APC: variants seen among roughly 807,000 people sequenced by gnomAD.
The protein encoded by APC is adenomatous polyposis coli protein.
APC carries 72 observed loss-of-function variants against 247.0 expected under a neutral mutation model. That is an observed-to-expected ratio of 0.29 (90% confidence interval 0.24 to 0.35). APC has a LOEUF of 0.35. Among genes scored for constraint, APC ranks in the 10% least tolerant of loss-of-function variants. The pLI is 1.00. For synonymous variants in APC, 1,254 were observed against 1,162.5 expected, an observed-to-expected ratio of 1.08 and a Z score of -1.60; for missense variants, 3,400 against 3,360.7, an observed-to-expected ratio of 1.01 and a Z score of -0.29.
At chr5:112,769,199 C>T (rs1756744295) in intron 4 of APC, among the ~76,000 whole-genome samples, 1 of 151,418 alleles carries the variant, frequency 6.6e-6, no homozygotes, top group African/African-American at 2.4e-5. Context: ...TACAGGCACG[C>T]CCCACCGCGT....
chr5:112,726,418 C>A (rs574525116), intron 1 of APC, among the ~76,000 whole-genome samples: 1 of 152,296 alleles, frequency 6.6e-6, no homozygotes, highest in South Asian at 2.1e-4. Context: ...CCTCTCTGAC[C>A]ATCCCCAGCC....
intron 11 of APC, among the ~76,000 whole-genome samples, chr5:112,825,213 A>G (rs970666560): frequency 2.0e-5 from 3 of 152,168 alleles, no homozygotes; most frequent in African/African-American, 7.2e-5. Context: ...ACTTAAAAGT[A>G]TCTTATGTCA....
intron 1 of APC, among the ~76,000 whole-genome samples, chr5:112,717,908 C>CTTTTTTTTTTTTTTTTTTTTTTTTTT: frequency 0.014 from 557 of 40,686 alleles, 206 homozygotes; most frequent in Non-Finnish European, 0.016. Flanking sequence ...TTTTCTTTTT[C>CTTTTTTTTTTTTTTTTTTTTTTTTTT]TTTTTTTTTT....
At chr5:112,707,823 C>G (rs773941688) in exon 1 of APC, 1 of 1,370,580 alleles carries the variant, frequency 7.3e-7, no homozygotes, top group South Asian at 1.2e-5. Flanking sequence ...CTGCGTCCGG[C>G]AGGAGACGAA....
intron 2 of APC, among the ~76,000 whole-genome samples, chr5:112,757,709 C>CA (rs542382118): frequency 3.9e-4 from 60 of 152,068 alleles, no homozygotes; most frequent in Non-Finnish European, 6.9e-4. Context: ...AAAAACAAAA[C>CA]AAAAAACAGC....
rs755879124 is a variant in APC at position 112,827,972 on chromosome 5, C to G, written c.1592C>G (p.Ala531Gly). ...AAAGGCTGCATGAGAGCACTTGTGG[C>G]CCAACTAAAATCTGAAAGTGAAGAC... ...SMKGCMRALVAQLKSESEDLQ... is the reference protein window; with the variant it reads ...SMKGCMRALVGQLKSESEDLQ... The change falls in exon 13 of 16, where the codon GCC becomes GGC. Residue 531 changes from alanine to glycine, a missense_variant. Around this residue, in one of 9 missense-constraint regions of APC, gnomAD observed 184 missense variants for 248.0 expected, o/e 0.74. Coordinates refer to ENST00000257430, the MANE Select transcript of APC (RefSeq NM_000038.6). The G allele has an allele frequency of 1.9e-6, 3 of 1,613,142 alleles. No individual in the cohort carries two copies. The South Asian group carries it at 3.3e-5, about 18-fold the overall frequency.
intron 1 of APC, among the ~76,000 whole-genome samples, chr5:112,715,517 A>G (rs1303013459): frequency 1.3e-5 from 2 of 152,304 alleles, no homozygotes; most frequent in South Asian, 4.1e-4. Flanking sequence ...GATGTGAAAT[A>G]GAATAAAATG....
At chr5:112,820,746 A>G (rs116710540) in intron 10 of APC, among the ~76,000 whole-genome samples, 20 of 152,338 alleles carry the variant, frequency 1.3e-4, no homozygotes, top group Non-Finnish European at 2.9e-4. Flanking sequence ...CGTGCATAGT[A>G]TTGAATGTGG....
chr5:112,833,961 CT>C (rs982497456), intron 14 of APC, among the ~76,000 whole-genome samples: 15 of 148,514 alleles, frequency 1.0e-4, no homozygotes, highest in Non-Finnish European at 1.2e-4. Flanking sequence ...AATCTACTTT[CT>C]TTTTTTTTTG....
rs766322348 is a variant in APC, at chr5:112,834,963, A to C, written c.1756A>C (p.Lys586Gln). Reference sequence around the variant, plus strand: ...TGTTTCTTACTAGGAATCAACCCTCAAAAGCGTATTGAGTGCCTTATGGAA... The same window carrying C: ...TGTTTCTTACTAGGAATCAACCCTCCAAAGCGTATTGAGTGCCTTATGGAA... ...ALEVKKESTL[K>Q]SVLSALWNLS... Residue 586 changes from lysine (K) to glutamine (Q), a missense_variant, in exon 15 of 16, where the codon AAA (lysine) becomes CAA (glutamine). This residue lies in a region of APC where 184 missense variants were observed against 248.0 expected (regional missense o/e 0.74). Coordinates refer to ENST00000257430, the MANE Select transcript of APC (RefSeq NM_000038.6). 1 of 1,613,870 alleles carries C rather than the reference A, an allele frequency of 6.2e-7. No homozygotes were observed. The highest frequency in any genetic ancestry group is 8.5e-7 in the Non-Finnish European group (1 of 1,179,894).
Position 112,842,614 on chromosome 5 carries a change from C to T in APC, c.7020C>T (p.Asn2340=), listed in dbSNP as rs773108684. 1.0e-4 allele frequency: 166 copies of T among 1,613,776 alleles called. 1 individual carries two copies. The highest frequency in any genetic ancestry group is 9.6e-5 in the Non-Finnish European group (113 of 1,179,838). Residue 2340 remains asparagine, a synonymous_variant, in exon 16 of 16, where the codon AAC becomes AAT. Transcript: ENST00000257430. ...SPGRNGISPP[N]KLSQLPRTSS... is the part of the protein sequence containing the mutation. ...GTAGAAATGGAATAAGTCCTCCTAACAAATTATCTCAACTTCCAAGGACAT... is the reference window on the plus strand; with the variant it reads ...GTAGAAATGGAATAAGTCCTCCTAATAAATTATCTCAACTTCCAAGGACAT...
intron 1 of APC, among the ~76,000 whole-genome samples, chr5:112,740,835 C>G (rs1454769967): frequency 6.6e-6 from 1 of 152,028 alleles, no homozygotes; most frequent in African/African-American, 2.4e-5. Context: ...TTTCCATTTG[C>G]ATTAATTGCT....
In APC at chr5:112,742,896, G is replaced by A. The variant is rs142508310; in HGVS notation, c.-19+4971G>A. On this transcript the variant is annotated intron_variant, in intron 1 of 15. Transcript: ENST00000257430. ...ACAGTTTCACTGGATTTATCCCTAG[G>A]AGAGGGATCACTGGATAATAAGGGC... is the stretch of plus-strand genomic sequence containing the variant. 2.0e-4 allele frequency among the ~76,000 whole-genome samples: 31 copies of A among 152,264 alleles called. No homozygotes were observed. In the East Asian group the frequency reaches 5.8e-3, roughly 28 times the overall value.
intron 9 of APC, among the ~76,000 whole-genome samples, chr5:112,818,598 A>G (rs952620213): frequency 6.6e-6 from 1 of 152,200 alleles, no homozygotes; most frequent in Non-Finnish European, 1.5e-5. Context: ...GATAAACTAC[A>G]TTCTCTATGT....
intron 1 of APC, among the ~76,000 whole-genome samples, chr5:112,711,400 G>T (rs1197578705): frequency 6.6e-6 from 1 of 152,158 alleles, no homozygotes; most frequent in Non-Finnish European, 1.5e-5. Context: ...AAAAAGGTTG[G>T]GGACTGCTGC....
chr5:112,784,150 C>G (rs990218036), intron 6 of APC, among the ~76,000 whole-genome samples: 1 of 152,170 alleles, frequency 6.6e-6, no homozygotes, highest in African/African-American at 2.4e-5. Flanking sequence ...TTACTGCAAC[C>G]CCCACCTCCT....
chr5:112,775,372 T>C (rs1052548815), intron 4 of APC, among the ~76,000 whole-genome samples: 1 of 152,146 alleles, frequency 6.6e-6, no homozygotes, highest in African/African-American at 2.4e-5. Context: ...AGAAAGCCTT[T>C]GGTGAAGTGT....
intron 4 of APC, among the ~76,000 whole-genome samples, chr5:112,773,194 C>T (rs1007829883): frequency 4.6e-5 from 7 of 152,106 alleles, no homozygotes; most frequent in Admixed American, 4.6e-4. Context: ...AGTTGCTTCT[C>T]AGTAAAGGAA....
intron 15 of APC, among the ~76,000 whole-genome samples, chr5:112,836,654 TG>T (rs1467535230): frequency 6.6e-6 from 1 of 152,226 alleles, no homozygotes; most frequent in Non-Finnish European, 1.5e-5. Flanking sequence ...TTAATTTACT[TG>T]ATTTTTTAAA....
Sources: gnomAD v4.1 joint callset for allele counts (sites outside exome capture counted in the v4.1 genomes callset) on GRCh38, gnomAD v4.1.1 for gene constraint, gnomAD v4.1.1 regional missense constraint, MANE v1.5 for transcripts, NCBI Gene and HGNC (gene_info 2026-07-23, HGNC 2026-07-21) for gene names.